The following CPSF4 variants were observed in gnomAD, a reference collection of about 807,000 sequenced individuals.
CPSF4 encodes cleavage and polyadenylation specific factor 4.
CPSF4 carries 11 observed loss-of-function variants against 37.7 expected under a neutral mutation model. The observed-to-expected ratio is 0.29, with a 90% CI of 0.18 to 0.48. The LOEUF is 0.48. CPSF4 is among the 20% of genes least tolerant of loss of function. The probability of loss-of-function intolerance (pLI) is 0.99; values close to 1 mark genes in which losing one functional copy is unlikely to be tolerated. For missense variants in CPSF4, 144 were observed against 359.5 expected (o/e 0.40, Z 4.85); for synonymous variants, 132 against 135.9 (o/e 0.97, Z 0.20).
At position 99,439,025 on chromosome 7, in the gene CPSF4, G is replaced by T; in HGVS notation, c.-58G>T. On this transcript the variant is annotated 5_prime_UTR_variant, in exon 1 of 8. Coordinates refer to ENST00000292476, the MANE Select transcript of CPSF4 (RefSeq NM_006693.4). Reference sequence around the variant, plus strand: ...GCGGCGGGGCCGGCGGCGGGTAAAGGCGAGAAGGCTGCAGGAGACCGAGGG... The same window carrying T: ...GCGGCGGGGCCGGCGGCGGGTAAAGTCGAGAAGGCTGCAGGAGACCGAGGG... The T allele has an allele frequency of 1.3e-6, 2 of 1,520,498 alleles. No homozygotes were observed. Among genetic ancestry groups the T allele is most frequent in the Non-Finnish European group, 1.8e-6 (2 of 1,128,104 alleles). The allele number at this position is 1,520,498 out of a possible 1,614,324, so 94.2% of individuals were successfully genotyped here. A position where few individuals can be genotyped will look rare whatever the true frequency, so the allele number is the denominator to read the frequency against.
intron 7 of CPSF4, among the ~76,000 whole-genome samples, 172 bp downstream of exon 7, chr7:99,454,308 C>A (rs890873800): frequency 1.3e-5 from 2 of 152,234 alleles, no homozygotes; most frequent in Admixed American, 1.3e-4. Context: ...AGAGACTGTC[C>A]TATTTCCTAC....
At chr7:99,446,691 T>C (rs1272624954) in intron 2 of CPSF4, among the ~76,000 whole-genome samples, 2 of 148,510 alleles carry the variant, frequency 1.3e-5, no homozygotes, top group African/African-American at 5.0e-5. Flanking sequence ...GACTGCAAGC[T>C]TGACCTCCTG....
At position 99,444,772 on chromosome 7, in the gene CPSF4, T is replaced by C. The variant is rs1213785691; in HGVS notation, c.104-17T>C. 1 of 1,612,216 alleles carries C rather than the reference T, an allele frequency of 6.2e-7. No homozygotes were observed. The highest frequency in any genetic ancestry group is 1.7e-5 in the Admixed American group (1 of 59,948). On this transcript the variant is annotated splice_polypyrimidine_tract_variant and intron_variant, in intron 1 of 7. Coordinates refer to ENST00000292476, the MANE Select transcript of CPSF4 (RefSeq NM_006693.4). ...TTGCACCTCTTTGATTCCTCTCCTT[T>C]TCTCTCCTTTCTACAGAGTCGGGCG... is the stretch of plus-strand genomic sequence containing the variant.
At chr7:99,442,877 C>A in intron 1 of CPSF4, 2 of 1,153,858 alleles carry the variant, frequency 1.7e-6, no homozygotes, top group Non-Finnish European at 1.3e-6. Flanking sequence ...TATCAAGAAC[C>A]TTTCATCAGG....
chr7:99,456,598 C>G lies in CPSF4; in HGVS notation c.*98C>G, dbSNP rs768461872. ...CTTGTTGGCGCGACTGTGGCTCGAG[C>G]TGGCCCGCAGACACGTGGGTTTCAT... On this transcript the variant is annotated 3_prime_UTR_variant, in exon 8 of 8. Transcript: ENST00000292476. The G allele has an allele frequency of 4.0e-6, 4 of 997,394 alleles. No homozygotes were observed. The highest frequency in any genetic ancestry group is 4.0e-5 in the South Asian group (3 of 75,576). The allele number at this position is 997,394 out of a possible 1,614,324, so 61.8% of individuals were successfully genotyped here.
Position 99,438,982 on chromosome 7 carries a change from A to C in CPSF4, c.-101A>C. The C allele has an allele frequency of 7.6e-7, 1 of 1,322,206 alleles. No homozygotes were observed. Among genetic ancestry groups the C allele is most frequent in the Non-Finnish European group, 9.8e-7 (1 of 1,024,850 alleles). 81.9% of individuals were successfully genotyped at this position (1,322,206 alleles called of 1,614,324 possible). On this transcript the variant is annotated 5_prime_UTR_variant, in exon 1 of 8. Transcript: ENST00000292476. The stretch of plus-strand genomic sequence containing the variant: ...GGCGGCGGCGGCGGCGGCGAGGCGA[A>C]GCGAAGGAGGAGTGTGTGCGGCGGG...
intron 1 of CPSF4, among the ~76,000 whole-genome samples, chr7:99,439,994 ACCT>A (rs1310129443): frequency 6.6e-6 from 1 of 151,500 alleles, no homozygotes; most frequent in Admixed American, 6.6e-5. Flanking sequence ...CTGGCTTCCC[ACCT>A]CCTACTCGGT....
chr7:99,453,773 G>GT lies in CPSF4; in HGVS notation c.571-188dup. 6.7e-6 allele frequency: 4 copies of GT among 599,250 alleles called. No individual in the cohort carries two copies. The highest frequency in any genetic ancestry group is 1.2e-5 in the Non-Finnish European group (4 of 338,842). The allele number at this position is 599,250 out of a possible 1,614,324, so 37.1% of individuals were successfully genotyped here. A position where few individuals can be genotyped will look rare whatever the true frequency, so the allele number is the denominator to read the frequency against. ...TTTCGTTTTTGTGTGTCTGCATGGTGTTTTTCGGGCAGTGGCTTCTGCCAT... is the reference window on the plus strand; with the variant it reads ...TTTCGTTTTTGTGTGTCTGCATGGTGTTTTTTCGGGCAGTGGCTTCTGCCAT... On this transcript the variant is annotated intron_variant, in intron 6 of 7. Transcript: ENST00000292476. This position sits in a 1 kb window ranked among gnomAD's most constrained non-coding sequence, Gnocchi z 4.7.
chr7:99,453,700 C>T lies in CPSF4; in HGVS notation c.571-266C>T. On this transcript the variant is annotated intron_variant, in intron 6 of 7. Transcript: ENST00000292476. This position sits in a 1 kb window ranked among gnomAD's most constrained non-coding sequence, Gnocchi z 4.7. ...CCTGATCATGCCCTCGCCCCACTGC[C>T]CCAGAGACCTCCTCTTGTCTCTTTG... The T allele has an allele frequency of 9.5e-6, 4 of 420,976 alleles. No individual in the cohort carries two copies. In the South Asian group the frequency reaches 1.3e-4, roughly 14 times the overall value. 26.1% of individuals were successfully genotyped at this position (420,976 alleles called of 1,614,324 possible). A position where few individuals can be genotyped will look rare whatever the true frequency, so the allele number is the denominator to read the frequency against.
At chr7:99,441,391 T>A in intron 1 of CPSF4, 1 of 456,238 alleles carries the variant, frequency 2.2e-6, no homozygotes, top group Non-Finnish European at 4.4e-6. Context: ...CCCACATACC[T>A]GTTCCTGAGG....
intron 1 of CPSF4, 196 bp downstream of exon 1, chr7:99,439,381 T>C (rs1257963630): frequency 2.0e-6 from 1 of 506,810 alleles, no homozygotes; most frequent in East Asian, 3.4e-5. Context: ...GGTCCTGGGA[T>C]CCTCCCCTTT....
intron 4 of CPSF4, 40 bp from the exon 5 acceptor site, chr7:99,450,662 T>C: frequency 6.8e-7 from 1 of 1,478,906 alleles, no homozygotes; most frequent in South Asian, 1.1e-5. Flanking sequence ...CTCTAACTGG[T>C]AGAGGGGACA....
At chr7:99,454,540 C>T (rs1798172477) in intron 7 of CPSF4, among the ~76,000 whole-genome samples, 1 of 152,162 alleles carries the variant, frequency 6.6e-6, no homozygotes, top group African/African-American at 2.4e-5. Context: ...GCACCCCTGT[C>T]CCCATCCCCT....
chr7:99,441,337 T>C, intron 1 of CPSF4: 1 of 450,574 alleles, frequency 2.2e-6, no homozygotes, highest in Non-Finnish European at 4.5e-6. Context: ...TTCTGCCATC[T>C]GACACATCCA....
chr7:99,442,668 AAAAAAAAC>A (rs1238438387), intron 1 of CPSF4, among the ~76,000 whole-genome samples: 1 of 151,264 alleles, frequency 6.6e-6, no homozygotes, highest in Non-Finnish European at 1.5e-5. Context: ...AAAAAAAAAA[AAAAAAAAC>A]AAAAAACAAG....
rs45618033 is a variant in CPSF4 at position 99,448,994 on chromosome 7, G to A, written c.307+721G>A. On this transcript the variant is annotated intron_variant, in intron 3 of 7. Transcript: ENST00000292476. This position sits in a 1 kb window ranked among gnomAD's most constrained non-coding sequence, Gnocchi z 4.4. The stretch of plus-strand genomic sequence containing the variant: ...CGGGTGGAGTCAGTGGGGCTGGCAC[G>A]GAGTCTGGCAGAGATGTGCTCCCTG... 18,378 of 152,608 alleles carry A rather than the reference G, an allele frequency of 0.12. 1,396 individuals carry two copies. Among genetic ancestry groups the A allele is most frequent in the African/African-American group, 0.21 (8,605 of 41,530 alleles). The allele number at this position is 152,608 out of a possible 1,614,324, so 9.5% of individuals were successfully genotyped here.
At chr7:99,456,324 G>A (rs1562867718) in intron 7 of CPSF4, 108 bp from the exon 8 acceptor site, 5 of 919,588 alleles carry the variant, frequency 5.4e-6, no homozygotes, top group South Asian at 1.4e-5. Context: ...CCCGACTGGG[G>A]ACTTGGTGGA....
Position 99,456,477 on chromosome 7 carries a change from T to C in CPSF4, c.787T>C (p.Leu263=). The C allele has an allele frequency of 6.2e-7, 1 of 1,614,184 alleles. No individual in the cohort carries two copies. Among genetic ancestry groups the C allele is most frequent in the Non-Finnish European group, 8.5e-7 (1 of 1,180,014 alleles). Residue 263 remains leucine, a synonymous_variant, in exon 8 of 8, where the codon TTG becomes CTG. Transcript: ENST00000292476. ...HYANRCTKGH[L]AFLSGQ Reference sequence around the variant, plus strand: ...CGCCAACAGATGCACCAAAGGGCACTTGGCCTTTCTCAGTGGACAGTGACA... The same window carrying C: ...CGCCAACAGATGCACCAAAGGGCACCTGGCCTTTCTCAGTGGACAGTGACA...
At chr7:99,452,696 A>C (rs1798021856) in intron 6 of CPSF4, 1 of 476,296 alleles carries the variant, frequency 2.1e-6, no homozygotes, top group Non-Finnish European at 3.8e-6. Flanking sequence ...GCAACTGGCC[A>C]CCCGTTGTGA....
Sources: gnomAD v4.1 joint callset for allele counts (sites outside exome capture counted in the v4.1 genomes callset) on GRCh38, gnomAD v4.1.1 for gene constraint, Gnocchi (gnomAD v3.1) non-coding constraint, MANE v1.5 for transcripts, NCBI Gene and HGNC (gene_info 2026-07-23, HGNC 2026-07-21) for gene names.